Variants in TMEM156 observed in about 807,000 individuals in gnomAD.
TMEM156 encodes transmembrane protein 156.
Under a neutral mutation model 30.5 loss-of-function variants are expected in TMEM156, and 28 were observed. The ratio of observed to expected loss-of-function variants is 0.92; its 90% CI spans 0.68 to 1.26. The LOEUF (loss-of-function observed/expected upper bound fraction) is 1.26, where lower values mean the gene tolerates loss of function less well. TMEM156 is among the 50% of genes most tolerant of loss of function. The pLI, the probability that TMEM156 is intolerant of heterozygous loss-of-function variation, is 0.00. For missense variants in TMEM156, 351 were observed against 340.6 expected (o/e 1.03, Z -0.24); for synonymous variants, 137 against 119.9 (o/e 1.14, Z -0.93).
Position 39,030,913 on chromosome 4 carries a change from C to T in TMEM156, c.88+1313G>A, listed in dbSNP as rs189469573. 9.7e-4 allele frequency among the ~76,000 whole-genome samples: 147 copies of T among 152,314 alleles called. No homozygotes were observed. In the Middle Eastern group the frequency reaches 0.034, roughly 35 times the overall value. On this transcript the variant is annotated intron_variant, in intron 1 of 6. Transcript: ENST00000381938. ...AAAATATGTGCTATGATTGCTTCATCTAAGTAACATAATGCCAGAAAACCA... is the reference window on the plus strand; with the variant it reads ...AAAATATGTGCTATGATTGCTTCATTTAAGTAACATAATGCCAGAAAACCA...
chr4:39,021,697 C>T (rs574410690), intron 1 of TMEM156, among the ~76,000 whole-genome samples: 13 of 151,956 alleles, frequency 8.6e-5, no homozygotes, highest in Non-Finnish European at 1.6e-4. Flanking sequence ...GGGTCATAAC[C>T]AAAAAAATAA....
At position 38,986,332 on chromosome 4, in the gene TMEM156, T is replaced by C. The variant is rs963165693; in HGVS notation, c.823+4A>G. 1.9e-6 allele frequency: 3 copies of C among 1,611,302 alleles called. No individual in the cohort carries two copies. Among genetic ancestry groups the C allele is most frequent in the Non-Finnish European group, 2.5e-6 (3 of 1,177,452 alleles). ...CTGTTTTGTTTACATGCCACAGAAC[T>C]TACCTGAAAGAACCTGCACATTCAA... On this transcript the variant is annotated splice_donor_region_variant and intron_variant, in intron 5 of 6. Coordinates refer to ENST00000381938, the MANE Select transcript of TMEM156 (RefSeq NM_024943.3).
At chr4:38,971,457 T>C (rs1045005134) in intron 5 of TMEM156, among the ~76,000 whole-genome samples, 1 of 152,226 alleles carries the variant, frequency 6.6e-6, no homozygotes, top group African/African-American at 2.4e-5. Context: ...TTTTATTCTA[T>C]CACATTTTGT....
At position 38,988,965 on chromosome 4, in the gene TMEM156, T is replaced by C; in HGVS notation, c.625A>G (p.Thr209Ala). The change falls in exon 4 of 7, where the codon ACT (threonine) becomes GCT (alanine). Residue 209 changes from threonine to alanine, a missense_variant. Coordinates refer to ENST00000381938, the MANE Select transcript of TMEM156 (RefSeq NM_024943.3). ...LHLEMDIKNI[T>A]CSMKITWYIL... ...TACCAAGTGATCTTCATGGAACAAG[T>C]GATATCTGTAAAGAAAACAAATACT... 2 of 1,610,310 alleles carry C rather than the reference T, an allele frequency of 1.2e-6. No individual in the cohort carries two copies. Among genetic ancestry groups the C allele is most frequent in the Non-Finnish European group, 1.7e-6 (2 of 1,177,840 alleles).
intron 4 of TMEM156, among the ~76,000 whole-genome samples, chr4:38,987,207 T>C (rs1712071175): frequency 6.6e-6 from 1 of 152,218 alleles, no homozygotes; most frequent in Admixed American, 6.5e-5. Context: ...TTACTTTAAA[T>C]AATAGAATTT....
At chr4:38,977,586 A>G (rs1463880821) in intron 5 of TMEM156, among the ~76,000 whole-genome samples, 1 of 152,262 alleles carries the variant, frequency 6.6e-6, no homozygotes, top group Non-Finnish European at 1.5e-5. Flanking sequence ...TCTACATAAG[A>G]AATACAATTT....
chr4:39,021,400 A>AT (rs923860087), intron 1 of TMEM156, among the ~76,000 whole-genome samples: 61 of 151,986 alleles, frequency 4.0e-4, no homozygotes, highest in East Asian at 9.6e-4. Flanking sequence ...GTCTCAAAAA[A>AT]AAATAAATAA....
chr4:38,998,301 C>A (rs1713069352), intron 2 of TMEM156, among the ~76,000 whole-genome samples: 1 of 152,092 alleles, frequency 6.6e-6, no homozygotes, highest in African/African-American at 2.4e-5. Context: ...AATCCCAGCA[C>A]TTTGGGAGGC....
At chr4:39,003,704 C>T (rs1212571148) in intron 1 of TMEM156, among the ~76,000 whole-genome samples, 1 of 152,088 alleles carries the variant, frequency 6.6e-6, no homozygotes, top group Non-Finnish European at 1.5e-5. Flanking sequence ...TGGAGATGCA[C>T]CATCTGATGG....
intron 5 of TMEM156, chr4:38,980,905 T>C: frequency 1.0e-6 from 1 of 982,972 alleles, no homozygotes; most frequent in Non-Finnish European, 1.2e-6. Flanking sequence ...AGGCCTGACA[T>C]ATATGCCTGT....
intron 3 of TMEM156, among the ~76,000 whole-genome samples, chr4:38,993,255 C>T (rs12648959): frequency 1.3e-5 from 2 of 151,344 alleles, no homozygotes; most frequent in Admixed American, 1.3e-4. Flanking sequence ...CATGACAAGA[C>T]CCCGTCTCTA....
At chr4:39,016,994 T>G (rs920675638) in intron 1 of TMEM156, among the ~76,000 whole-genome samples, 2 of 152,052 alleles carry the variant, frequency 1.3e-5, no homozygotes. Context: ...AACTCCCATT[T>G]ATAAAACCAT....
At chr4:38,990,830 G>GTTTT (rs71304784) in intron 3 of TMEM156, among the ~76,000 whole-genome samples, 7,484 of 80,352 alleles carry the variant, frequency 0.093, 838 homozygotes, top group African/African-American at 0.15. Context: ...TTGTTTTCTG[G>GTTTT]TTTTTTTTTT....
chr4:38,996,632 T>C (rs1378668850), intron 2 of TMEM156, among the ~76,000 whole-genome samples: 1 of 151,942 alleles, frequency 6.6e-6, no homozygotes, highest in Non-Finnish European at 1.5e-5. Context: ...AAATTTAAGC[T>C]CTTGCACAGT....
At position 39,032,346 on chromosome 4, in the gene TMEM156, C is replaced by CAGTA; in HGVS notation, c.-37_-34dup. On this transcript the variant is annotated 5_prime_UTR_variant, in exon 1 of 7. An upstream open reading frame in the 5' UTR gains an earlier in-frame stop. Coordinates refer to ENST00000381938, the MANE Select transcript of TMEM156 (RefSeq NM_024943.3). ...CACATGACACAAATGTGTTCCCTTG[C>CAGTA]AGTACATTCATGGTATGTTGCTTCC... 7.4e-7 allele frequency: 1 copy of CAGTA among 1,356,780 alleles called. No homozygotes were observed. Among genetic ancestry groups the CAGTA allele is most frequent in the Admixed American group, 1.8e-5 (1 of 55,632 alleles). 84.0% of individuals were successfully genotyped at this position (1,356,780 alleles called of 1,614,324 possible). A position where few individuals can be genotyped will look rare whatever the true frequency, so the allele number is the denominator to read the frequency against.
chr4:39,007,634 T>C (rs752004093), intron 1 of TMEM156, among the ~76,000 whole-genome samples: 11 of 151,810 alleles, frequency 7.2e-5, no homozygotes, highest in Non-Finnish European at 1.6e-4. Flanking sequence ...TTTTTGGTAT[T>C]TTTTGGTAGA....
At chr4:38,981,933 C>A (rs912156615) in intron 5 of TMEM156, among the ~76,000 whole-genome samples, 1 of 152,136 alleles carries the variant, frequency 6.6e-6, no homozygotes, top group African/African-American at 2.4e-5. Flanking sequence ...TGGTTAAATA[C>A]TTAATGGTCG....
intron 1 of TMEM156, chr4:39,028,666 T>C (rs1448194107): frequency 6.6e-6 from 1 of 152,216 alleles, no homozygotes; most frequent in South Asian, 2.1e-4. Context: ...CCAAGTTCTG[T>C]CTTAAACACT....
intron 1 of TMEM156, among the ~76,000 whole-genome samples, chr4:39,009,278 C>T (rs1713948159): frequency 6.6e-6 from 1 of 151,892 alleles, no homozygotes; most frequent in Admixed American, 6.6e-5. Flanking sequence ...CCAGAACAGC[C>T]CTGGACCAAA....
Sources: allele counts gnomAD v4.1 joint callset (sites outside exome capture counted in the v4.1 genomes callset), GRCh38; gene constraint gnomAD v4.1.1; transcripts MANE v1.5; gene names NCBI Gene and HGNC (gene_info 2026-07-23, HGNC 2026-07-21).